SP3: variants seen among roughly 807,000 people sequenced by gnomAD.
SP3 encodes the protein transcription factor Sp3.
SP3 carries 10 observed loss-of-function variants against 70.3 expected under a neutral mutation model. The ratio of observed to expected loss-of-function variants is 0.14; its 90% CI spans 0.09 to 0.24. SP3 has a LOEUF of 0.24. SP3 is among the 10% of genes least tolerant of loss of function. The pLI, the probability that SP3 is intolerant of heterozygous loss-of-function variation, is 1.00. For missense variants in SP3, 825 were observed against 914.6 expected (o/e 0.90, Z 1.26); for synonymous variants, 402 against 333.5 (o/e 1.21, Z -2.24).
chr2:173,925,854 T>C (rs1689896162), intron 4 of SP3, among the ~76,000 whole-genome samples: 1 of 152,200 alleles, frequency 6.6e-6, no homozygotes, highest in South Asian at 2.1e-4. Flanking sequence ...TTAAAAGCTG[T>C]TCTACCAGGT....
chr2:173,926,671 A>T (rs1689918751), intron 4 of SP3, among the ~76,000 whole-genome samples: 1 of 152,250 alleles, frequency 6.6e-6, no homozygotes, highest in Non-Finnish European at 1.5e-5. Flanking sequence ...AGATAATTTT[A>T]AAATTATTTT....
rs1267286835 is a variant in SP3 at position 173,955,213 on chromosome 2, T to C, written c.1299A>G (p.Gln433=). The part of the protein sequence containing the change: ...GVQASGQNIS[Q]QALQNLQLQL... ...GCAACTGAAGATTTTGCAAAGCCTG[T>C]TGTGATATATTTTGACCACTGGCTT... The change falls in exon 4 of 7, where the codon CAA becomes CAG. Residue 433 remains glutamine, a synonymous_variant. Transcript: ENST00000310015. 3.7e-6 allele frequency: 6 copies of C among 1,614,066 alleles called. No individual in the cohort carries two copies. The highest frequency in any genetic ancestry group is 1.1e-5 in the South Asian group (1 of 91,088).
rs191701987 is a variant in SP3, at chr2:173,946,754, G to C, written c.1639+8119C>G. ...TTTTTTTTTTTTAAGACAGGGCCTCGGTCTGTCACCAGTGTGGAGTGCAGT... is the reference window on the plus strand; with the variant it reads ...TTTTTTTTTTTTAAGACAGGGCCTCCGTCTGTCACCAGTGTGGAGTGCAGT... On this transcript the variant is annotated intron_variant, in intron 4 of 6. Coordinates refer to ENST00000310015, the MANE Select transcript of SP3 (RefSeq NM_003111.5). Among the ~76,000 whole-genome samples the C allele has an allele frequency of 1.2e-3, 182 of 146,978 alleles. 5 individuals carry two copies. In the East Asian group the frequency reaches 0.022, roughly 18 times the overall value.
chr2:173,936,948 T>C (rs923420218), intron 4 of SP3, among the ~76,000 whole-genome samples: 2 of 152,184 alleles, frequency 1.3e-5, no homozygotes, highest in Admixed American at 6.5e-5. Flanking sequence ...TCTACACAGT[T>C]ATCTGTATCA....
intron 4 of SP3, among the ~76,000 whole-genome samples, chr2:173,927,336 T>C (rs1284965078): frequency 6.6e-6 from 1 of 151,644 alleles, no homozygotes; most frequent in Non-Finnish European, 1.5e-5. Flanking sequence ...GGTACAGTGG[T>C]GTGATCTCCG....
intron 2 of SP3, chr2:173,964,171 G>T (rs1047693449): frequency 2.5e-6 from 1 of 404,796 alleles, no homozygotes; most frequent in Non-Finnish European, 4.4e-6. Context: ...GGGAGGGCAC[G>T]CTGGGGCCCA....
At chr2:173,911,671 C>G (rs1689486586) in intron 6 of SP3, among the ~76,000 whole-genome samples, 1 of 152,138 alleles carries the variant, frequency 6.6e-6, no homozygotes. Flanking sequence ...TTACAACCTG[C>G]TGATAAAATC....
Position 173,956,240 on chromosome 2 carries a change from A to G in SP3, c.280-8T>C, listed in dbSNP as rs771510955. On this transcript the variant is annotated splice_region_variant and splice_polypyrimidine_tract_variant and intron_variant, in intron 3 of 6. Transcript: ENST00000310015. Reference sequence around the variant, plus strand: ...AGAAGCCAAATCACCTGTCTGGATGAAGAAAACAAAAAGGTGATATATTTG... The same window carrying G: ...AGAAGCCAAATCACCTGTCTGGATGGAGAAAACAAAAAGGTGATATATTTG... 2.6e-6 allele frequency: 4 copies of G among 1,566,006 alleles called. No homozygotes were observed. The highest frequency in any genetic ancestry group is 3.5e-6 in the Non-Finnish European group (4 of 1,157,886).
intron 6 of SP3, 64 bp downstream of exon 6, chr2:173,913,006 G>C: frequency 1.6e-6 from 2 of 1,236,956 alleles, no homozygotes; most frequent in Non-Finnish European, 2.2e-6. Flanking sequence ...TAATAAAAAA[G>C]AAGTCAAGGC....
chr2:173,948,530 G>C (rs934521232), intron 4 of SP3, among the ~76,000 whole-genome samples: 1 of 151,970 alleles, frequency 6.6e-6, no homozygotes, highest in Non-Finnish European at 1.5e-5. Flanking sequence ...CTGATAAGGG[G>C]GGCGACTATT....
Position 173,907,806 on chromosome 2 carries a change from A to C in SP3, c.*2135T>G, listed in dbSNP as rs1019474749. ...TCAAAATCTAATCCCTGTAACTTCA[A>C]AATAATTGTAAATTCTAGTGGTTCC... On this transcript the variant is annotated 3_prime_UTR_variant, in exon 7 of 7. Coordinates refer to ENST00000310015, the MANE Select transcript of SP3 (RefSeq NM_003111.5). The C allele has an allele frequency of 3.9e-5, 6 of 152,144 alleles. No homozygotes were observed. Among genetic ancestry groups the C allele is most frequent in the Non-Finnish European group, 8.8e-5 (6 of 67,964 alleles). The allele number at this position is 152,144 out of a possible 1,614,324, so 9.4% of individuals were successfully genotyped here. A position where few individuals can be genotyped will look rare whatever the true frequency, so the allele number is the denominator to read the frequency against.
chr2:173,958,514 C>T (rs1690964449), intron 3 of SP3, among the ~76,000 whole-genome samples: 1 of 150,772 alleles, frequency 6.6e-6, no homozygotes, highest in African/African-American at 2.4e-5. Context: ...GTGATGTATT[C>T]CGAACTTTTC....
At position 173,906,521 on chromosome 2, in the gene SP3, G is replaced by C. The variant is rs1689327158; in HGVS notation, c.*3420C>G. 1 of 152,110 alleles carries C rather than the reference G, an allele frequency of 6.6e-6. No individual in the cohort carries two copies. The highest frequency in any genetic ancestry group is 1.5e-5 in the Non-Finnish European group (1 of 68,012). The allele number at this position is 152,110 out of a possible 1,614,324, so 9.4% of individuals were successfully genotyped here. A position where few individuals can be genotyped will look rare whatever the true frequency, so the allele number is the denominator to read the frequency against. On this transcript the variant is annotated 3_prime_UTR_variant, in exon 7 of 7. Transcript: ENST00000310015. Reference sequence around the variant, plus strand: ...TTTACAACAAAAACGATTGTTACCAGCTTCATATAATTAAAACTGAAAACC... The same window carrying C: ...TTTACAACAAAAACGATTGTTACCACCTTCATATAATTAAAACTGAAAACC...
At chr2:173,934,112 C>T (rs1204551725) in intron 4 of SP3, among the ~76,000 whole-genome samples, 1 of 151,860 alleles carries the variant, frequency 6.6e-6, no homozygotes, top group Non-Finnish European at 1.5e-5. Flanking sequence ...CAGTGCGGGG[C>T]ACCTGTAGTC....
At chr2:173,917,637 T>TA (rs1297952922) in intron 5 of SP3, among the ~76,000 whole-genome samples, 3 of 152,128 alleles carry the variant, frequency 2.0e-5, no homozygotes, top group Non-Finnish European at 4.4e-5. Context: ...TTTATCTACT[T>TA]AAACAGTGCA....
At chr2:173,911,631 A>C (rs1316361914) in intron 6 of SP3, among the ~76,000 whole-genome samples, 2 of 152,054 alleles carry the variant, frequency 1.3e-5, no homozygotes, top group Non-Finnish European at 2.9e-5. Flanking sequence ...TTGATCATTG[A>C]CCTTTTTCTC....
rs78447444 is a variant in SP3, at chr2:173,937,462, C to G, written c.1639+17411G>C. Among the ~76,000 whole-genome samples the G allele has an allele frequency of 2.4e-3, 359 of 152,186 alleles. 12 individuals are homozygous for G. In the East Asian group the frequency reaches 0.056, roughly 24 times the overall value. On this transcript the variant is annotated intron_variant, in intron 4 of 6. Coordinates refer to ENST00000310015, the MANE Select transcript of SP3 (RefSeq NM_003111.5). ...TCCACTTGTGAATCAAGTAAGTATA[C>G]AAACCCTGCCCAAGCTGTTACTATG...
At position 173,963,794 on chromosome 2, in the gene SP3, G is replaced by T; in HGVS notation, c.246C>A (p.Ala82=). ...PSPGDDEEEA[A]AAAGAPAAAG... is the part of the protein sequence containing the mutation. ...CGGCGGCGGGGGCCCCGGCTGCGGC[G>T]GCCGCCTCCTCCTCGTCGTCGCCCG... Residue 82 remains alanine (A), a synonymous_variant, in exon 3 of 7, where the codon GCC becomes GCA. Coordinates refer to ENST00000310015, the MANE Select transcript of SP3 (RefSeq NM_003111.5). 1 of 1,413,918 alleles carries T rather than the reference G, an allele frequency of 7.1e-7. No individual in the cohort carries two copies. Among genetic ancestry groups the T allele is most frequent in the South Asian group, 1.4e-5 (1 of 72,166 alleles). 87.6% of individuals were successfully genotyped at this position (1,413,918 alleles called of 1,614,324 possible). A position where few individuals can be genotyped will look rare whatever the true frequency, so the allele number is the denominator to read the frequency against.
At chr2:173,920,572 T>C (rs1689724523) in intron 4 of SP3, among the ~76,000 whole-genome samples, 1 of 152,120 alleles carries the variant, frequency 6.6e-6, no homozygotes, top group African/African-American at 2.4e-5. Flanking sequence ...TCATTTTTAC[T>C]AAGCATCTCA....
Sources: allele counts gnomAD v4.1 joint callset (sites outside exome capture counted in the v4.1 genomes callset), GRCh38; gene constraint gnomAD v4.1.1; transcripts MANE v1.5; gene names NCBI Gene and HGNC (gene_info 2026-07-23, HGNC 2026-07-21).